Variants in PRELID2 observed in about 807,000 individuals in gnomAD.
The protein encoded by PRELID2 is PRELI domain-containing protein 2.
Under a neutral mutation model 28.4 loss-of-function variants are expected in PRELID2, and 25 were observed. That is an observed-to-expected ratio of 0.88 (90% CI 0.64 to 1.23). The LOEUF is 1.23. PRELID2 is among the 50% of genes most tolerant of loss of function. PRELID2 has a pLI of 0.00. For synonymous variants in PRELID2, 76 were observed against 71.6 expected, an observed-to-expected ratio of 1.06 and a Z score of -0.31; for missense variants, 201 against 214.4, an observed-to-expected ratio of 0.94 and a Z score of 0.39.
intron 1 of PRELID2, among the ~76,000 whole-genome samples, chr5:145,636,207 A>G (rs1753999998): frequency 6.6e-6 from 1 of 152,228 alleles, no homozygotes. Flanking sequence ...CAAAACTGAC[A>G]AAGTAGTTAA....
At chr5:145,497,825 A>G (rs1752321920) in intron 1 of PRELID2, among the ~76,000 whole-genome samples, 1 of 152,244 alleles carries the variant, frequency 6.6e-6, no homozygotes, top group African/African-American at 2.4e-5. Flanking sequence ...GCACATCTGG[A>G]TGGAAGCTTT....
At chr5:145,556,725 C>A (rs1243430225) in intron 1 of PRELID2, among the ~76,000 whole-genome samples, 1 of 152,182 alleles carries the variant, frequency 6.6e-6, no homozygotes, top group Non-Finnish European at 1.5e-5. Flanking sequence ...TGACCCTACT[C>A]TTATCTTGAA....
rs771910951 is a variant in PRELID2 at position 145,759,746 on chromosome 5, G to A, written c.*790C>T. 6.6e-6 allele frequency: 1 copy of A among 152,180 alleles called. No homozygotes were observed. Among genetic ancestry groups the A allele is most frequent in the Non-Finnish European group, 1.5e-5 (1 of 68,034 alleles). 9.4% of individuals were successfully genotyped at this position (152,180 alleles called of 1,614,324 possible). A position where few individuals can be genotyped will look rare whatever the true frequency, so the allele number is the denominator to read the frequency against. ...AATTACCTTCTTTAATCATCATAAC[G>A]CATTGGCGGAAAGACCTGTGCCTGA... On this transcript the variant is annotated 3_prime_UTR_variant, in exon 7 of 7. Transcript: ENST00000683046.
intron 1 of PRELID2, among the ~76,000 whole-genome samples, chr5:145,582,838 C>G (rs958288229): frequency 1.3e-5 from 2 of 151,990 alleles, no homozygotes; most frequent in Non-Finnish European, 2.9e-5. Context: ...CAGGACCAGA[C>G]AGATTTATAG....
At chr5:145,315,940 CAT>C in the PRELID2 span, among the ~76,000 whole-genome samples, 1 of 152,076 alleles carries the variant, frequency 6.6e-6, no homozygotes, top group Non-Finnish European at 1.5e-5. Context: ...ACTCAAAACT[CAT>C]AATTTCTTAA....
chr5:145,421,190 T>C, the PRELID2 span, among the ~76,000 whole-genome samples: 1 of 150,896 alleles, frequency 6.6e-6, no homozygotes, highest in African/African-American at 2.4e-5. Context: ...TGGTCTAAAA[T>C]TCTCTTTTTT....
chr5:145,618,688 A>G (rs1431143815), intron 1 of PRELID2, among the ~76,000 whole-genome samples: 2 of 152,080 alleles, frequency 1.3e-5, no homozygotes, highest in Non-Finnish European at 2.9e-5. Flanking sequence ...CTTTTCAGGG[A>G]GCATCAGCTG....
At chr5:145,245,413 AAG>A in the PRELID2 span, among the ~76,000 whole-genome samples, 586 of 147,466 alleles carry the variant, frequency 4.0e-3, 5 homozygotes, top group East Asian at 0.031. Flanking sequence ...AAGAAAGAGA[AAG>A]AGAGAGAGAG....
chr5:145,552,712 G>T (rs1158817484), intron 1 of PRELID2, among the ~76,000 whole-genome samples: 3 of 152,098 alleles, frequency 2.0e-5, no homozygotes, highest in East Asian at 1.9e-4. Context: ...GCTCTTTATT[G>T]TTTGGGTCTG....
At chr5:145,301,072 G>C in the PRELID2 span, among the ~76,000 whole-genome samples, 21 of 151,982 alleles carry the variant, frequency 1.4e-4, no homozygotes, top group Non-Finnish European at 3.1e-4. Context: ...ATCCAAAAGA[G>C]TTATCCCAAT....
intron 1 of PRELID2, among the ~76,000 whole-genome samples, chr5:145,669,914 C>A (rs1263368966): frequency 6.6e-6 from 1 of 152,120 alleles, no homozygotes; most frequent in Non-Finnish European, 1.5e-5. Context: ...CATCTTAGAG[C>A]CTCTCATAGC....
At chr5:145,415,368 G>C in the PRELID2 span, among the ~76,000 whole-genome samples, 1 of 151,308 alleles carries the variant, frequency 6.6e-6, no homozygotes, top group African/African-American at 2.4e-5. Context: ...TGCCATGCTG[G>C]TGTGCTGCAC....
At chr5:145,394,449 G>A in the PRELID2 span, among the ~76,000 whole-genome samples, 2 of 133,096 alleles carry the variant, frequency 1.5e-5, no homozygotes, top group Admixed American at 7.8e-5. Context: ...CGGGGGAGGG[G>A]GAGGGATAGC....
Position 145,523,845 on chromosome 5 carries a change from T to G in PRELID2, n.71-50530A>C, listed in dbSNP as rs1237297310. Among the ~76,000 whole-genome samples, 3 of 152,178 alleles carry G rather than the reference T, an allele frequency of 2.0e-5. No individual in the cohort carries two copies. In the East Asian group the frequency reaches 5.8e-4, roughly 29 times the overall value. ...ATATTTAGGCATATGATAAATTACT[T>G]TAAACTTTTCTTTATTATAAATAAT... On this transcript the variant is annotated intron_variant and non_coding_transcript_variant, in intron 1 of 2. Transcript: ENST00000510259.
the PRELID2 span, among the ~76,000 whole-genome samples, chr5:145,292,760 T>C: frequency 6.6e-6 from 1 of 152,168 alleles, no homozygotes; most frequent in South Asian, 2.1e-4. Context: ...CAGGCTACAG[T>C]ACAGTGACAT....
intron 5 of PRELID2, among the ~76,000 whole-genome samples, chr5:145,788,435 C>T (rs375593605): frequency 5.4e-4 from 82 of 152,136 alleles, no homozygotes; most frequent in Non-Finnish European, 1.1e-3. Flanking sequence ...GACTATGGCA[C>T]GGTCAAGAGA....
rs140534691 is a variant in PRELID2, at chr5:145,539,927, G to A, written n.71-66612C>T. Among the ~76,000 whole-genome samples, 57 of 151,622 alleles carry A rather than the reference G, an allele frequency of 3.8e-4. No homozygotes were observed. The East Asian group carries it at 9.7e-3, about 26-fold the overall frequency. On this transcript the variant is annotated intron_variant and non_coding_transcript_variant, in intron 1 of 2. Transcript: ENST00000510259. ...ATGAAAAACAACTAGAAAGAAATAA[G>A]CCAAAATGTGCCTCTAAGTAATGAA... is the stretch of plus-strand genomic sequence containing the variant.
the PRELID2 span, among the ~76,000 whole-genome samples, chr5:145,409,525 A>T: frequency 6.6e-6 from 1 of 152,186 alleles, no homozygotes; most frequent in East Asian, 1.9e-4. Context: ...AAGGGGTGGA[A>T]AAAGATAGTC....
chr5:145,524,102 C>T (rs768164760), intron 1 of PRELID2, among the ~76,000 whole-genome samples: 1 of 152,172 alleles, frequency 6.6e-6, no homozygotes, highest in East Asian at 1.9e-4. Flanking sequence ...TCAGAAGTCT[C>T]TCTAATAGCA....
Sources: gnomAD v4.1 joint callset for allele counts (sites outside exome capture counted in the v4.1 genomes callset) on GRCh38, gnomAD v4.1.1 for gene constraint, MANE v1.5 for transcripts, NCBI Gene and HGNC (gene_info 2026-07-23, HGNC 2026-07-21) for gene names.